Variants in TMEM132D observed in about 807,000 individuals in gnomAD.
TMEM132D encodes the protein mature OL transmembrane protein.
TMEM132D carries 21 observed loss-of-function variants against 62.3 expected under a neutral mutation model. The ratio of observed to expected loss-of-function variants is 0.34; its 90% CI spans 0.24 to 0.49. The LOEUF is 0.49. TMEM132D is among the 20% of genes least tolerant of loss of function. TMEM132D has a pLI of 0.99. For missense variants in TMEM132D, 1,346 were observed against 1,402.8 expected (o/e 0.96, Z 0.65); for synonymous variants, 621 against 575.6 (o/e 1.08, Z -1.13).
chr12:129,511,039 G>A (rs556305903), intron 3 of TMEM132D, among the ~76,000 whole-genome samples: 1 of 152,162 alleles, frequency 6.6e-6, no homozygotes, highest in African/African-American at 2.4e-5. Flanking sequence ...TAGGTCTTTT[G>A]TAGTTTCACA....
chr12:129,776,783 G>C (rs1284755516), intron 1 of TMEM132D, among the ~76,000 whole-genome samples: 5 of 139,396 alleles, frequency 3.6e-5, no homozygotes, highest in Non-Finnish European at 7.5e-5. Flanking sequence ...TTAAATAATG[G>C]GCTTCAAAAA....
At chr12:129,662,440 C>G (rs879458567) in intron 2 of TMEM132D, among the ~76,000 whole-genome samples, 34 of 152,146 alleles carry the variant, frequency 2.2e-4, no homozygotes, top group Admixed American at 2.2e-3. Flanking sequence ...TGGATAAAAT[C>G]CATAATCCTG....
At chr12:129,265,400 C>T (rs1229003910) in intron 4 of TMEM132D, among the ~76,000 whole-genome samples, 1 of 152,096 alleles carries the variant, frequency 6.6e-6, no homozygotes, top group Admixed American at 6.5e-5. Context: ...AAATGTGGGG[C>T]GGATCTCCTG....
intron 5 of TMEM132D, among the ~76,000 whole-genome samples, chr12:129,130,053 G>GTGTGTGTGTA (rs1459749752): frequency 6.7e-6 from 1 of 150,260 alleles, no homozygotes; most frequent in African/African-American, 2.5e-5. Context: ...GTGTGTGTGT[G>GTGTGTGTGTA]TTTATTTATG....
chr12:129,692,679 G>A (rs556723234), intron 2 of TMEM132D, among the ~76,000 whole-genome samples: 32 of 152,322 alleles, frequency 2.1e-4, no homozygotes, highest in South Asian at 1.4e-3. Flanking sequence ...GACAAGAAAT[G>A]AGAGCATATC....
intron 4 of TMEM132D, among the ~76,000 whole-genome samples, chr12:129,279,391 G>T (rs892606264): frequency 6.6e-6 from 1 of 152,084 alleles, no homozygotes; most frequent in Admixed American, 6.6e-5. Context: ...TCTTCCTAAA[G>T]AATTTTTTTT....
At chr12:129,077,655 C>T (rs996795065) in intron 8 of TMEM132D, among the ~76,000 whole-genome samples, 4 of 150,824 alleles carry the variant, frequency 2.7e-5, no homozygotes, top group African/African-American at 9.7e-5. Context: ...CATACGGACA[C>T]ACATAAAGCA....
chr12:129,701,783 C>T (rs1353547845), intron 1 of TMEM132D, among the ~76,000 whole-genome samples: 3 of 152,192 alleles, frequency 2.0e-5, no homozygotes, highest in East Asian at 1.9e-4. Context: ...AAGCCCTTCT[C>T]GTCAGTCACC....
intron 2 of TMEM132D, among the ~76,000 whole-genome samples, chr12:129,534,964 T>A (rs1327224914): frequency 1.3e-5 from 2 of 152,174 alleles, no homozygotes; most frequent in Non-Finnish European, 2.9e-5. Flanking sequence ...TAGCCTGAGT[T>A]ATTTATGATC....
intron 3 of TMEM132D, among the ~76,000 whole-genome samples, chr12:129,362,139 TGTCATTTCTAAAGATAA>T (rs1183292640): frequency 6.6e-6 from 1 of 152,244 alleles, no homozygotes; most frequent in East Asian, 1.9e-4. Flanking sequence ...CAGTTTCAAG[TGTCATTTCTAAAGATAA>T]GTCATTTCTA....
chr12:129,713,268 T>C (rs913329750), intron 1 of TMEM132D, among the ~76,000 whole-genome samples: 8 of 152,172 alleles, frequency 5.3e-5, no homozygotes, highest in Non-Finnish European at 8.8e-5. Context: ...AGAAACACTA[T>C]TCAAGCCAAT....
At chr12:129,632,711 C>T (rs151318103) in intron 2 of TMEM132D, among the ~76,000 whole-genome samples, 2 of 152,280 alleles carry the variant, frequency 1.3e-5, no homozygotes, top group South Asian at 4.1e-4. Flanking sequence ...TCTTTGGATT[C>T]CCTTTTATTC....
rs766506833 is a variant in TMEM132D at position 129,641,015 on chromosome 12, C to A, written c.968+58795G>T. Among the ~76,000 whole-genome samples the A allele has an allele frequency of 5.7e-4, 87 of 152,126 alleles. 2 individuals carry two copies. The highest frequency in any genetic ancestry group is 5.6e-3 in the Admixed American group (86 of 15,286). ...TAGTTGCAGGAAAACAAGCTCAGGG[C>A]TCCCACTGATTCTACATTATGGTGA... On this transcript the variant is annotated intron_variant, in intron 2 of 8. Coordinates refer to ENST00000422113, the MANE Select transcript of TMEM132D (RefSeq NM_133448.3).
chr12:129,720,620 T>C (rs1344398509), intron 1 of TMEM132D, among the ~76,000 whole-genome samples: 1 of 152,114 alleles, frequency 6.6e-6, no homozygotes, highest in Non-Finnish European at 1.5e-5. Flanking sequence ...GTTGGCACAA[T>C]CTGGTTTACA....
chr12:129,138,298 C>T (rs1876645108), intron 5 of TMEM132D, among the ~76,000 whole-genome samples: 1 of 152,168 alleles, frequency 6.6e-6, no homozygotes, highest in Non-Finnish European at 1.5e-5. Context: ...TATCCAAAAC[C>T]TTGAAGACCT....
intron 2 of TMEM132D, among the ~76,000 whole-genome samples, chr12:129,625,519 T>C (rs574844406): frequency 4.7e-4 from 71 of 152,308 alleles, no homozygotes; most frequent in Middle Eastern, 6.8e-3. Flanking sequence ...TGGACTGACA[T>C]GTTCACTAGC....
chr12:129,142,242 C>A (rs1229795257), intron 5 of TMEM132D, among the ~76,000 whole-genome samples: 1 of 152,018 alleles, frequency 6.6e-6, no homozygotes, highest in Non-Finnish European at 1.5e-5. Context: ...AACTTTCTGC[C>A]CCTATCGTAC....
intron 2 of TMEM132D, among the ~76,000 whole-genome samples, chr12:129,662,255 A>T (rs1374823956): frequency 2.6e-5 from 4 of 152,232 alleles, no homozygotes; most frequent in Non-Finnish European, 5.9e-5. Flanking sequence ...ACAAACTCAC[A>T]TTCAACTTGT....
chr12:129,863,953 T>A (rs1873979351), intron 1 of TMEM132D, among the ~76,000 whole-genome samples: 1 of 152,162 alleles, frequency 6.6e-6, no homozygotes, highest in Admixed American at 6.5e-5. Context: ...TCTGAAAAAC[T>A]TTTTATCACT....
Sources: allele counts gnomAD v4.1 joint callset (sites outside exome capture counted in the v4.1 genomes callset), GRCh38; gene constraint gnomAD v4.1.1; transcripts MANE v1.5; gene names NCBI Gene and HGNC (gene_info 2026-07-23, HGNC 2026-07-21).